Variants in PDE4B observed in about 807,000 individuals in gnomAD.
PDE4B encodes phosphodiesterase 4B, also known as 3',5'-cyclic-AMP phosphodiesterase 4B.
Under a neutral mutation model 82.2 loss-of-function variants are expected in PDE4B, and 20 were observed. That is an observed-to-expected ratio of 0.24 (90% confidence interval 0.17 to 0.35). PDE4B has a LOEUF of 0.35. PDE4B is among the 10% of genes least tolerant of loss of function. The probability of loss-of-function intolerance (pLI) is 1.00; values close to 1 mark genes in which losing one functional copy is unlikely to be tolerated. For missense variants in PDE4B, 655 were observed against 907.2 expected (o/e 0.72, Z 3.57); for synonymous variants, 320 against 318.9 (o/e 1.00, Z -0.04).
intron 8 of PDE4B, chr1:66,354,349 C>A: frequency 1.0e-6 from 1 of 980,594 alleles, no homozygotes; most frequent in Non-Finnish European, 1.2e-6. Context: ...GTACTGACTT[C>A]AGATTTACTT....
intron 3 of PDE4B, among the ~76,000 whole-genome samples, chr1:66,105,855 T>C (rs1315134589): frequency 6.6e-6 from 1 of 151,860 alleles, no homozygotes; most frequent in Non-Finnish European, 1.5e-5. Context: ...ACAATGGGGT[T>C]TTCTAGATAT....
chr1:66,136,104 A>G (rs182182393), intron 3 of PDE4B, among the ~76,000 whole-genome samples: 161 of 152,258 alleles, frequency 1.1e-3, no homozygotes, highest in African/African-American at 3.7e-3. Context: ...GTGTATCCTT[A>G]GGCTGGCTAC....
chr1:66,060,995 A>G (rs1186380520), intron 3 of PDE4B, among the ~76,000 whole-genome samples: 1 of 151,966 alleles, frequency 6.6e-6, no homozygotes, highest in Non-Finnish European at 1.5e-5. Context: ...AGAAGTGAAT[A>G]AAATTGAGAA....
chr1:66,280,530 CCA>C (rs1281764870), intron 7 of PDE4B, among the ~76,000 whole-genome samples: 1 of 152,184 alleles, frequency 6.6e-6, no homozygotes. Context: ...ATGTACATTT[CCA>C]CAGAGTTGAG....
chr1:66,046,516 G>A (rs1276055014), intron 3 of PDE4B, among the ~76,000 whole-genome samples: 1 of 151,830 alleles, frequency 6.6e-6, no homozygotes, highest in Non-Finnish European at 1.5e-5. Context: ...TGATAGAGAT[G>A]AAATCAGAAT....
intron 3 of PDE4B, among the ~76,000 whole-genome samples, chr1:66,082,641 A>AATATAT (rs67481716): frequency 0.05 from 7,450 of 147,774 alleles, 238 homozygotes; most frequent in African/African-American, 0.088. Context: ...GGATTGAAAT[A>AATATAT]ATATATATAT....
chr1:66,061,989 A>C (rs1466473590), intron 3 of PDE4B, among the ~76,000 whole-genome samples: 1 of 152,184 alleles, frequency 6.6e-6, no homozygotes, highest in African/African-American at 2.4e-5. Context: ...TGTGAGGTTC[A>C]TAAAGAAGCA....
chr1:66,342,527 T>G, intron 8 of PDE4B, among the ~76,000 whole-genome samples: 1 of 124,164 alleles, frequency 8.1e-6, no homozygotes. Context: ...CTGGCCAACA[T>G]GATGAAATAC....
intron 1 of PDE4B, among the ~76,000 whole-genome samples, chr1:65,848,169 T>A (rs12127678): frequency 0.16 from 23,820 of 151,878 alleles, 1,972 homozygotes; most frequent in African/African-American, 0.19. Context: ...AGACGGAGTC[T>A]TGCTCTGTCA....
chr1:65,924,301 C>G (rs898778539), intron 3 of PDE4B, among the ~76,000 whole-genome samples: 2 of 150,180 alleles, frequency 1.3e-5, no homozygotes, highest in African/African-American at 4.9e-5. Flanking sequence ...GTCTCGATCT[C>G]CTGACCTCGT....
chr1:66,183,873 G>A (rs1018014615), intron 3 of PDE4B, among the ~76,000 whole-genome samples: 2 of 152,172 alleles, frequency 1.3e-5, no homozygotes, highest in African/African-American at 4.8e-5. Context: ...TAACATAGGT[G>A]CATAAGACAA....
intron 16 of PDE4B, among the ~76,000 whole-genome samples, chr1:66,371,161 G>A (rs944171774): frequency 2.3e-5 from 3 of 129,952 alleles, no homozygotes; most frequent in Non-Finnish European, 4.8e-5. Context: ...AATCACATAT[G>A]ACCAAAGTTC....
At chr1:66,297,453 G>C (rs547010397) in intron 7 of PDE4B, among the ~76,000 whole-genome samples, 2 of 152,040 alleles carry the variant, frequency 1.3e-5, no homozygotes, top group Admixed American at 1.3e-4. Flanking sequence ...ACTTTAAAAA[G>C]TAATTCCCAA....
intron 3 of PDE4B, among the ~76,000 whole-genome samples, chr1:66,151,371 T>C (rs1646390785): frequency 1.3e-5 from 2 of 152,170 alleles, no homozygotes; most frequent in African/African-American, 4.8e-5. Context: ...CCCCTCCAGC[T>C]TCATTCATCT....
At chr1:65,805,441 G>C (rs1645744289) in intron 1 of PDE4B, among the ~76,000 whole-genome samples, 1 of 152,204 alleles carries the variant, frequency 6.6e-6, no homozygotes, top group African/African-American at 2.4e-5. Flanking sequence ...AATTGAAAGA[G>C]AGACTGGGAT....
chr1:66,165,052 C>T (rs1158416766), intron 3 of PDE4B, among the ~76,000 whole-genome samples: 3 of 152,092 alleles, frequency 2.0e-5, no homozygotes, highest in Admixed American at 6.5e-5. Flanking sequence ...TAAGCCACCA[C>T]GCCTGGCCAC....
At position 66,368,927 on chromosome 1, in the gene PDE4B, C is replaced by A. The variant is rs373800241; in HGVS notation, c.1803C>A (p.Ser601Arg). Residue 601 changes from serine (S) to arginine (R), a missense_variant, in exon 16 of 17, where the codon AGC becomes AGA. Ser to Arg is a moderately radical substitution (Grantham distance 110, BLOSUM62 -1). Coordinates refer to ENST00000341517, the MANE Select transcript of PDE4B (RefSeq NM_002600.4). Reference protein sequence around the residue: ...DKERERGMEISPMCDKHTASV... With the variant: ...DKERERGMEIRPMCDKHTASV... ...AGCGGGAGAGGGGAATGGAAATTAG[C>A]CCAATGTGTGATAAACACACAGCTT... 6.2e-7 allele frequency: 1 copy of A among 1,612,674 alleles called. No individual in the cohort carries two copies. The highest frequency in any genetic ancestry group is 1.7e-5 in the Admixed American group (1 of 59,788).
intron 3 of PDE4B, among the ~76,000 whole-genome samples, chr1:65,965,851 T>C (rs970032960): frequency 1.3e-5 from 2 of 152,122 alleles, no homozygotes; most frequent in African/African-American, 4.8e-5. Context: ...TCAACACCCC[T>C]TCATGCTAAA....
At chr1:66,303,584 A>C (rs2101844874) in intron 7 of PDE4B, among the ~76,000 whole-genome samples, 1 of 152,212 alleles carries the variant, frequency 6.6e-6, no homozygotes, top group Non-Finnish European at 1.5e-5. Context: ...CCAATCTTTA[A>C]AGCCATCCAA....
Sources: gnomAD v4.1 joint callset for allele counts (sites outside exome capture counted in the v4.1 genomes callset) on GRCh38, gnomAD v4.1.1 for gene constraint, MANE v1.5 for transcripts, NCBI Gene and HGNC (gene_info 2026-07-23, HGNC 2026-07-21) for gene names.